Variants in PTPRD observed in about 807,000 individuals in gnomAD.
PTPRD encodes the protein protein tyrosine phosphatase receptor type D, also known as receptor-type tyrosine-protein phosphatase delta.
In PTPRD, 34 loss-of-function variants were observed where a neutral mutation model predicts 214.5. The ratio of observed to expected loss-of-function variants is 0.16; its 90% CI spans 0.12 to 0.21. The LOEUF is 0.21. Among genes scored for constraint, PTPRD ranks in the 10% least tolerant of loss-of-function variants. PTPRD has a pLI of 1.00. For missense variants in PTPRD, 2,545 were observed against 2,398.7 expected (o/e 1.06, Z -1.27); for synonymous variants, 1,128 against 845.7 (o/e 1.33, Z -5.79).
chr9:8,723,224 T>A (rs2098520986), intron 12 of PTPRD, among the ~76,000 whole-genome samples: 1 of 152,062 alleles, frequency 6.6e-6, no homozygotes, highest in Non-Finnish European at 1.5e-5. Context: ...CATTCCCCCA[T>A]CTGCCTGGAT....
intron 2 of PTPRD, among the ~76,000 whole-genome samples, chr9:10,545,752 T>C (rs1218612654): frequency 6.6e-6 from 1 of 152,192 alleles, no homozygotes; most frequent in African/African-American, 2.4e-5. Context: ...AACCCCAAGC[T>C]GAGCAAAGTT....
chr9:8,431,199 A>T (rs2095028138), intron 35 of PTPRD, among the ~76,000 whole-genome samples: 1 of 152,178 alleles, frequency 6.6e-6, no homozygotes, highest in African/African-American at 2.4e-5. Context: ...CATTTAAAAC[A>T]TGACTGGCAA....
At chr9:8,757,279 G>C (rs1038422478) in intron 11 of PTPRD, among the ~76,000 whole-genome samples, 1 of 152,116 alleles carries the variant, frequency 6.6e-6, no homozygotes, top group African/African-American at 2.4e-5. Context: ...AAAATATAGG[G>C]AATGTGAACA....
At chr9:9,019,925 T>G (rs747769408) in intron 10 of PTPRD, among the ~76,000 whole-genome samples, 3 of 152,146 alleles carry the variant, frequency 2.0e-5, no homozygotes, top group Non-Finnish European at 4.4e-5. Context: ...GAAATTAACC[T>G]GGACTCTATG....
chr9:10,028,868 A>G (rs1364040748), intron 4 of PTPRD, among the ~76,000 whole-genome samples: 2 of 152,178 alleles, frequency 1.3e-5, no homozygotes, highest in Admixed American at 1.3e-4. Context: ...AATTCTAATC[A>G]CCAAGACAAT....
chr9:10,058,405 TA>T (rs973880753), intron 3 of PTPRD, among the ~76,000 whole-genome samples: 2 of 152,032 alleles, frequency 1.3e-5, no homozygotes, highest in Admixed American at 6.6e-5. Context: ...CACTTCCCTT[TA>T]AAAAAACCAC....
intron 6 of PTPRD, among the ~76,000 whole-genome samples, chr9:9,754,912 A>AT (rs577824737): frequency 3.3e-5 from 5 of 151,956 alleles, no homozygotes; most frequent in East Asian, 1.9e-4. Context: ...GGAGGAAATT[A>AT]TTTTTTTTAA....
At chr9:8,832,011 A>C (rs2097302305) in intron 11 of PTPRD, among the ~76,000 whole-genome samples, 1 of 152,076 alleles carries the variant, frequency 6.6e-6, no homozygotes. Flanking sequence ...ATGACAGATA[A>C]AAGGCAACAA....
intron 2 of PTPRD, among the ~76,000 whole-genome samples, chr9:10,366,421 C>A (rs976822163): frequency 6.6e-6 from 1 of 152,146 alleles, no homozygotes; most frequent in African/African-American, 2.4e-5. Context: ...ACTCACATTG[C>A]TGGAGTTGCA....
At chr9:8,381,587 T>C (rs567372334) in intron 37 of PTPRD, among the ~76,000 whole-genome samples, 2 of 152,308 alleles carry the variant, frequency 1.3e-5, no homozygotes, top group East Asian at 3.9e-4. Flanking sequence ...AAAGAGGCAC[T>C]ACAATATTTG....
chr9:8,948,788 C>A (rs1242475369), intron 11 of PTPRD, among the ~76,000 whole-genome samples: 4 of 150,356 alleles, frequency 2.7e-5, no homozygotes, highest in African/African-American at 9.8e-5. Flanking sequence ...TCAAGAAACA[C>A]AAAAGGATGG....
chr9:8,674,345 G>T (rs1381550582), intron 12 of PTPRD, among the ~76,000 whole-genome samples: 1 of 150,906 alleles, frequency 6.6e-6, no homozygotes, highest in African/African-American at 2.4e-5. Flanking sequence ...GTAGTCCCAG[G>T]CACTCAGGAG....
chr9:9,695,259 G>T (rs928327615), intron 7 of PTPRD, among the ~76,000 whole-genome samples: 1 of 152,104 alleles, frequency 6.6e-6, no homozygotes, highest in African/African-American at 2.4e-5. Context: ...TTGTCTGGGA[G>T]CTATGTCCTC....
intron 10 of PTPRD, among the ~76,000 whole-genome samples, chr9:9,108,166 CCTGTAAAACTTATATTATTTACGTTTGT>C (rs1202939478): frequency 6.6e-6 from 1 of 152,104 alleles, no homozygotes; most frequent in Non-Finnish European, 1.5e-5. Flanking sequence ...TACAGTTTTT[CCTGTAAAACTTATATTATTTACGTTTGT>C]CTGTATGAAT....
At chr9:9,906,378 T>C (rs1021611564) in intron 5 of PTPRD, among the ~76,000 whole-genome samples, 2 of 151,928 alleles carry the variant, frequency 1.3e-5, no homozygotes, top group African/African-American at 4.8e-5. Flanking sequence ...ATCGTTGTCT[T>C]TATTTTATAT....
intron 7 of PTPRD, among the ~76,000 whole-genome samples, chr9:9,620,789 T>A (rs112879426): frequency 3.3e-5 from 5 of 152,208 alleles, no homozygotes; most frequent in African/African-American, 1.2e-4. Flanking sequence ...ACATAGAACT[T>A]TATCGTCAGC....
At chr9:10,176,133 T>C (rs1416694309) in intron 3 of PTPRD, among the ~76,000 whole-genome samples, 1 of 152,028 alleles carries the variant, frequency 6.6e-6, no homozygotes, top group African/African-American at 2.4e-5. Flanking sequence ...TACATTACTT[T>C]AAATACTTCT....
chr9:9,880,256 C>T (rs1315258267), intron 5 of PTPRD, among the ~76,000 whole-genome samples: 2 of 152,140 alleles, frequency 1.3e-5, no homozygotes, highest in Non-Finnish European at 2.9e-5. Context: ...CCTCCTCAGC[C>T]ATGTGGAACT....
intron 9 of PTPRD, among the ~76,000 whole-genome samples, chr9:9,386,045 C>T (rs542663189): frequency 9.2e-5 from 14 of 152,172 alleles, no homozygotes; most frequent in African/African-American, 3.1e-4. Context: ...AAAATACTTA[C>T]CTAAGGGAAA....
Sources: allele counts gnomAD v4.1 joint callset (sites outside exome capture counted in the v4.1 genomes callset), GRCh38; gene constraint gnomAD v4.1.1; transcripts MANE v1.5; gene names NCBI Gene and HGNC (gene_info 2026-07-23, HGNC 2026-07-21).